Variants in RPAP2 observed in about 807,000 individuals in gnomAD.
RPAP2 encodes the protein RNA polymerase II associated protein 2, also known as putative RNA polymerase II subunit B1 CTD phosphatase RPAP2.
In RPAP2, 52 loss-of-function variants were observed where a neutral mutation model predicts 73.1. That is an observed-to-expected ratio of 0.71 (90% CI 0.57 to 0.90). RPAP2 has a LOEUF of 0.90. RPAP2 is among the 40% of genes least tolerant of loss of function. The pLI, the probability that RPAP2 is intolerant of heterozygous loss-of-function variation, is 0.00. For synonymous variants in RPAP2, 225 were observed against 242.1 expected (o/e 0.93, Z 0.65); for missense variants, 598 against 701.8 (o/e 0.85, Z 1.67).
At chr1:92,337,835 A>G (rs973060153) in intron 10 of RPAP2, among the ~76,000 whole-genome samples, 14 of 152,134 alleles carry the variant, frequency 9.2e-5, no homozygotes, top group African/African-American at 3.4e-4. Flanking sequence ...CAGGTCTTCA[A>G]GGTTATTTTC....
At chr1:92,353,195 C>T (rs974312156) in intron 11 of RPAP2, among the ~76,000 whole-genome samples, 9 of 152,146 alleles carry the variant, frequency 5.9e-5, no homozygotes, top group East Asian at 3.8e-4. Context: ...TTTATGTTCT[C>T]TTAGGTATAT....
At chr1:92,325,031 G>A (rs1652544693) in intron 8 of RPAP2, among the ~76,000 whole-genome samples, 1 of 152,096 alleles carries the variant, frequency 6.6e-6, no homozygotes, top group Non-Finnish European at 1.5e-5. Flanking sequence ...AAGATAATGT[G>A]TATAAAGCAT....
chr1:92,386,111 G>A (rs1205583061), intron 12 of RPAP2, among the ~76,000 whole-genome samples: 1 of 152,174 alleles, frequency 6.6e-6, no homozygotes, highest in East Asian at 1.9e-4. Context: ...AGTGAGAGAG[G>A]ATACCCATGA....
At chr1:92,311,216 G>A (rs1041592428) in intron 6 of RPAP2, among the ~76,000 whole-genome samples, 3 of 152,142 alleles carry the variant, frequency 2.0e-5, no homozygotes, top group Non-Finnish European at 4.4e-5. Flanking sequence ...CTAAGTCTCA[G>A]TTTCCTCATT....
At chr1:92,308,745 A>C (rs968318078) in intron 6 of RPAP2, among the ~76,000 whole-genome samples, 2 of 152,146 alleles carry the variant, frequency 1.3e-5, no homozygotes, top group African/African-American at 4.8e-5. Context: ...GGATCACTTG[A>C]GTTTAGGAAT....
intron 11 of RPAP2, among the ~76,000 whole-genome samples, chr1:92,361,003 C>T (rs1403793346): frequency 2.0e-5 from 3 of 151,540 alleles, no homozygotes; most frequent in African/African-American, 7.3e-5. Flanking sequence ...TTTACCTTCC[C>T]CTGCCTTCTC....
At chr1:92,318,453 T>G (rs1186887626) in intron 6 of RPAP2, among the ~76,000 whole-genome samples, 1 of 152,208 alleles carries the variant, frequency 6.6e-6, no homozygotes, top group Non-Finnish European at 1.5e-5. Context: ...TTGTATCCCT[T>G]TGGCCCTGTT....
chr1:92,323,576 A>G lies in RPAP2; in HGVS notation c.656A>G (p.Asn219Ser). ...ACTCACAGTGATAGTAGCAGTGACA[A>G]TGAGCAAGACTTTGTTTCCTCCATT... ...SSTHSDSSSD[N>S]EQDFVSSILP... The change falls in exon 8 of 13, where the codon AAT becomes AGT. Residue 219 changes from asparagine (N) to serine (S), a missense_variant. By Grantham distance (46) the Asn-to-Ser change is conservative. This residue lies in a region of RPAP2 where 506 missense variants were observed against 612.8 expected (regional missense o/e 0.83). Coordinates refer to ENST00000610020, the MANE Select transcript of RPAP2 (RefSeq NM_024813.3). 17 of 1,614,114 alleles carry G rather than the reference A, an allele frequency of 1.1e-5. No homozygotes were observed. The highest frequency in any genetic ancestry group is 1.4e-5 in the Non-Finnish European group (17 of 1,179,994).
At chr1:92,333,812 C>T (rs1331882504) in intron 9 of RPAP2, among the ~76,000 whole-genome samples, 2 of 152,136 alleles carry the variant, frequency 1.3e-5, no homozygotes, top group African/African-American at 4.8e-5. Context: ...AAATGTGTCA[C>T]AGCAGTTTCA....
At chr1:92,376,154 T>G (rs1313012785) in intron 11 of RPAP2, among the ~76,000 whole-genome samples, 1 of 152,106 alleles carries the variant, frequency 6.6e-6, no homozygotes, top group Non-Finnish European at 1.5e-5. Context: ...ATAAGTAATG[T>G]AGAAATGATT....
At position 92,398,363 on chromosome 1, in the gene RPAP2, G is replaced by C. The variant is rs922298243; in HGVS notation, c.*11352G>C. On this transcript the variant is annotated 3_prime_UTR_variant, in exon 13 of 13. Coordinates refer to ENST00000610020, the MANE Select transcript of RPAP2 (RefSeq NM_024813.3). ...TTACAGGAGTGAACCACCGCACCTG[G>C]CCAGTGGAGTCTTTTTAAGGTATTA... is the stretch of plus-strand genomic sequence containing the variant. The C allele has an allele frequency of 3.3e-5, 5 of 152,018 alleles. No homozygotes were observed. The highest frequency in any genetic ancestry group is 1.2e-4 in the African/African-American group (5 of 41,370). 9.4% of individuals were successfully genotyped at this position (152,018 alleles called of 1,614,324 possible). A position where few individuals can be genotyped will look rare whatever the true frequency, so the allele number is the denominator to read the frequency against.
At chr1:92,345,436 G>C (rs1179898108) in intron 10 of RPAP2, among the ~76,000 whole-genome samples, 1 of 135,596 alleles carries the variant, frequency 7.4e-6, no homozygotes, top group African/African-American at 2.6e-5. Context: ...AGGAAGGAAG[G>C]AAGGGAGGGA....
At chr1:92,386,873 T>G (rs1263097204) in intron 12 of RPAP2, 138 bp from the exon 13 acceptor site, 8 of 544,962 alleles carry the variant, frequency 1.5e-5, no homozygotes, top group Non-Finnish European at 2.2e-5. Context: ...GCAAACTTTT[T>G]GGGTTTTTTT....
chr1:92,367,966 A>G (rs1413353476), intron 11 of RPAP2, among the ~76,000 whole-genome samples: 3 of 152,208 alleles, frequency 2.0e-5, no homozygotes, highest in South Asian at 4.1e-4. Flanking sequence ...TATCTGTGCT[A>G]TATCATTTTA....
rs771566224 is a variant in RPAP2 at position 92,304,008 on chromosome 1, A to ATGTCGTGGATGAACGT, written c.268_283dup (p.Ser95CysfsTer4). Reference sequence around the variant, plus strand: ...TTCATTACACCTGCTCACTACAGTGATGTCGTGGATGAACGTTCTATTGTC... The same window carrying ATGTCGTGGATGAACGT: ...TTCATTACACCTGCTCACTACAGTGATGTCGTGGATGAACGTTGTCGTGGATGAACGTTCTATTGTC... On this transcript the variant is annotated frameshift_variant, in exon 4 of 13. Transcript: ENST00000610020. LOFTEE classifies it high-confidence loss of function. The ATGTCGTGGATGAACGT allele has an allele frequency of 6.2e-7, 1 of 1,612,840 alleles. No individual in the cohort carries two copies. Among genetic ancestry groups the ATGTCGTGGATGAACGT allele is most frequent in the Admixed American group, 1.7e-5 (1 of 59,918 alleles).
At chr1:92,341,939 G>A (rs2101279459) in intron 10 of RPAP2, among the ~76,000 whole-genome samples, 1 of 152,286 alleles carries the variant, frequency 6.6e-6, no homozygotes, top group South Asian at 2.1e-4. Flanking sequence ...CAACACACCT[G>A]GCCAGGAAAG....
intron 11 of RPAP2, among the ~76,000 whole-genome samples, chr1:92,364,423 A>C (rs1174408401): frequency 6.6e-6 from 1 of 152,202 alleles, no homozygotes; most frequent in Non-Finnish European, 1.5e-5. Context: ...GGTCATCCTC[A>C]TCAAATAATT....
chr1:92,332,496 T>C (rs1458359010), intron 8 of RPAP2, among the ~76,000 whole-genome samples: 2 of 152,138 alleles, frequency 1.3e-5, no homozygotes, highest in Non-Finnish European at 2.9e-5. Context: ...ATGCCAAACA[T>C]TGTATATTAA....
At chr1:92,309,805 T>C (rs1651484068) in intron 6 of RPAP2, among the ~76,000 whole-genome samples, 1 of 152,220 alleles carries the variant, frequency 6.6e-6, no homozygotes, top group East Asian at 1.9e-4. Context: ...TGGGTTGGGA[T>C]ATTGAACATT....
Sources: gnomAD v4.1 joint callset for allele counts (sites outside exome capture counted in the v4.1 genomes callset) on GRCh38, gnomAD v4.1.1 for gene constraint, gnomAD v4.1.1 regional missense constraint, MANE v1.5 for transcripts, NCBI Gene and HGNC (gene_info 2026-07-23, HGNC 2026-07-21) for gene names.